CHPT1: variants seen among roughly 807,000 people sequenced by gnomAD.
The protein encoded by CHPT1 is cholinephosphotransferase 1.
In CHPT1, 36 loss-of-function variants were observed where a neutral mutation model predicts 47.6. That is an observed-to-expected ratio of 0.76 (90% confidence interval 0.58 to 1.00). The LOEUF (loss-of-function observed/expected upper bound fraction) is 1.00. Ranked by LOEUF, CHPT1 falls within the 50% of genes least tolerant of loss-of-function variation. CHPT1 has a pLI of 0.00. For missense variants in CHPT1, 458 were observed against 498.1 expected, an observed-to-expected ratio of 0.92 and a Z score of 0.77; for synonymous variants, 194 against 186.3, an observed-to-expected ratio of 1.04 and a Z score of -0.33.
chr12:101,697,653 G>A lies in CHPT1; in HGVS notation c.-209G>A, dbSNP rs891243749. On this transcript the variant is annotated 5_prime_UTR_variant, in exon 1 of 9. Coordinates refer to ENST00000229266, the MANE Select transcript of CHPT1 (RefSeq NM_020244.3). ...CCCCGAGGCCCCGCCCCACCCGCGA[G>A]CCGCAGCCGCGGCCCCACAGCTTCT... 6.2e-6 allele frequency: 1 copy of A among 160,998 alleles called. No homozygotes were observed. Among genetic ancestry groups the A allele is most frequent in the African/African-American group, 2.4e-5 (1 of 41,500 alleles). 10.0% of individuals were successfully genotyped at this position (160,998 alleles called of 1,614,324 possible).
intron 5 of CHPT1, among the ~76,000 whole-genome samples, chr12:101,722,508 A>G (rs1200780384): frequency 6.6e-6 from 1 of 152,022 alleles, no homozygotes; most frequent in Non-Finnish European, 1.5e-5. Flanking sequence ...ATAAAAGAAC[A>G]TTTGCAGTCT....
At chr12:101,704,319 T>A (rs1951598611) in intron 1 of CHPT1, among the ~76,000 whole-genome samples, 1 of 152,074 alleles carries the variant, frequency 6.6e-6, no homozygotes, top group Admixed American at 6.5e-5. Context: ...TTTCTTTATG[T>A]CAACTTTAAA....
chr12:101,699,391 C>CTTTTT (rs5800481), intron 1 of CHPT1, among the ~76,000 whole-genome samples: 1 of 136,946 alleles, frequency 7.3e-6, no homozygotes, highest in Non-Finnish European at 1.5e-5. Flanking sequence ...TATTTCTTTT[C>CTTTTT]TTTTTTTTTT....
intron 1 of CHPT1, 119 bp from the exon 2 acceptor site, chr12:101,713,971 G>C: frequency 1.7e-6 from 1 of 583,434 alleles, no homozygotes; most frequent in Non-Finnish European, 3.0e-6. Context: ...TGTAGAATGA[G>C]GGTTAGAAAT....
chr12:101,715,051 G>A (rs374046774), intron 3 of CHPT1: 22 of 153,440 alleles, frequency 1.4e-4, no homozygotes, highest in South Asian at 1.2e-3. Context: ...AAGGGGACCC[G>A]CCTTGACAAC....
chr12:101,719,451 A>G (rs1224417968), intron 4 of CHPT1: 1 of 801,678 alleles, frequency 1.2e-6, no homozygotes, highest in Non-Finnish European at 1.8e-6. Flanking sequence ...CTGGCAATTC[A>G]TTGTTACTGT....
intron 5 of CHPT1, among the ~76,000 whole-genome samples, chr12:101,721,256 C>G (rs1169961379): frequency 6.6e-6 from 1 of 151,924 alleles, no homozygotes; most frequent in Non-Finnish European, 1.5e-5. Context: ...CCACTGCACT[C>G]CAGCCTGGGT....
Position 101,726,462 on chromosome 12 carries a change from G to GA in CHPT1, c.1176+60dup, listed in dbSNP as rs1334083262. ...AGGAAAAGAGGAGATGAAGTTAGGG[G>GA]AATCTATGAGTGAAGGAAATCCCCC... On this transcript the variant is annotated intron_variant, in intron 8 of 8. Transcript: ENST00000229266. 5 of 1,588,684 alleles carry GA rather than the reference G, an allele frequency of 3.1e-6. No homozygotes were observed. In the African/African-American group the frequency reaches 6.7e-5, roughly 21 times the overall value.
chr12:101,721,089 C>T (rs955541313), intron 5 of CHPT1, among the ~76,000 whole-genome samples: 2 of 152,108 alleles, frequency 1.3e-5, no homozygotes, highest in African/African-American at 4.8e-5. Context: ...CGAGACCAGC[C>T]TGGCCAACAT....
rs1387246263 is a variant in CHPT1 at position 101,698,125 on chromosome 12, C to T, written c.264C>T (p.Ala88=). 2.9e-5 allele frequency: 44 copies of T among 1,531,952 alleles called. No individual in the cohort carries two copies. Among genetic ancestry groups the T allele is most frequent in the Non-Finnish European group, 3.6e-5 (41 of 1,146,254 alleles). 94.9% of individuals were successfully genotyped at this position (1,531,952 alleles called of 1,614,324 possible). A position where few individuals can be genotyped will look rare whatever the true frequency, so the allele number is the denominator to read the frequency against. The change falls in exon 1 of 9, where the codon GCC becomes GCT. Residue 88 remains alanine, a synonymous_variant. Coordinates refer to ENST00000229266, the MANE Select transcript of CHPT1 (RefSeq NM_020244.3). ...TGCTCATCTCCTACTGTCCCACGGC[C>T]ACCGAAGAGGTAGGGCTGGCCGATC... ...TLVLISYCPT[A]TEEAPYWTYL...
chr12:101,720,005 G>T (rs753423999), intron 4 of CHPT1, 118 bp from the exon 5 acceptor site: 2 of 577,318 alleles, frequency 3.5e-6, no homozygotes, highest in South Asian at 9.2e-5. Flanking sequence ...AGAAGTTAAG[G>T]TTTGATCACA....
intron 3 of CHPT1, among the ~76,000 whole-genome samples, chr12:101,715,719 G>T (rs1951754709): frequency 6.6e-6 from 1 of 152,082 alleles, no homozygotes; most frequent in Non-Finnish European, 1.5e-5. Flanking sequence ...TTTAAGTATA[G>T]ATAAAATTGT....
intron 1 of CHPT1, among the ~76,000 whole-genome samples, chr12:101,712,516 T>C (rs1951711742): frequency 6.7e-6 from 1 of 148,674 alleles, no homozygotes. Context: ...CTTTTCTCTT[T>C]CTAAGACTCT....
At position 101,716,026 on chromosome 12, in the gene CHPT1, G is replaced by A. The variant is rs140276225; in HGVS notation, c.564-702G>A. ...CCTTAAACAATTTTAGTAGAATAATGGGGCCAAAAGCCAGACTAGAGTGTG... is the reference window on the plus strand; with the variant it reads ...CCTTAAACAATTTTAGTAGAATAATAGGGCCAAAAGCCAGACTAGAGTGTG... On this transcript the variant is annotated intron_variant, in intron 3 of 8. Coordinates refer to ENST00000229266, the MANE Select transcript of CHPT1 (RefSeq NM_020244.3). Among the ~76,000 whole-genome samples, 490 of 152,230 alleles carry A rather than the reference G, an allele frequency of 3.2e-3. 4 individuals carry two copies. The Middle Eastern group carries it at 0.041, about 13-fold the overall frequency.
chr12:101,712,147 G>A (rs1425211760), intron 1 of CHPT1, among the ~76,000 whole-genome samples: 2 of 148,218 alleles, frequency 1.3e-5, no homozygotes, highest in Admixed American at 1.4e-4. Flanking sequence ...TCAGCCTCCT[G>A]AGTAGCTGGG....
At chr12:101,706,117 C>T (rs555877521) in intron 1 of CHPT1, among the ~76,000 whole-genome samples, 4 of 151,876 alleles carry the variant, frequency 2.6e-5, no homozygotes, top group African/African-American at 4.8e-5. Context: ...TTTGGGAGGC[C>T]TAGGTGGGTG....
chr12:101,721,951 C>T (rs1232775441), intron 5 of CHPT1, among the ~76,000 whole-genome samples: 2 of 151,588 alleles, frequency 1.3e-5, no homozygotes, highest in African/African-American at 4.9e-5. Flanking sequence ...CCCAGCTACT[C>T]AGGAGGCTGA....
chr12:101,713,999 G>A, intron 1 of CHPT1, 91 bp from the exon 2 acceptor site: 2 of 717,448 alleles, frequency 2.8e-6, no homozygotes, highest in Non-Finnish European at 4.6e-6. Flanking sequence ...ATAACACACG[G>A]GGTGCTACAA....
At chr12:101,723,442 T>A (rs1951890695) in intron 6 of CHPT1, 116 bp downstream of exon 6, 1 of 688,512 alleles carries the variant, frequency 1.5e-6, no homozygotes, top group Non-Finnish European at 2.3e-6. Context: ...TCATAATAAT[T>A]AGCTATTTGT....
Sources: gnomAD v4.1 joint callset for allele counts (sites outside exome capture counted in the v4.1 genomes callset) on GRCh38, gnomAD v4.1.1 for gene constraint, MANE v1.5 for transcripts, NCBI Gene and HGNC (gene_info 2026-07-23, HGNC 2026-07-21) for gene names.